Variants in PPARGC1B observed in about 807,000 individuals in gnomAD.
PPARGC1B encodes peroxisome proliferator-activated receptor gamma coactivator 1-beta.
In PPARGC1B, 34 loss-of-function variants were observed where a neutral mutation model predicts 101.6. The observed-to-expected ratio is 0.33, with a 90% CI of 0.25 to 0.45. The LOEUF is 0.45. Among genes scored for constraint, PPARGC1B ranks in the 20% least tolerant of loss-of-function variants. PPARGC1B has a pLI of 1.00. For missense variants in PPARGC1B, 1,234 were observed against 1,317.6 expected (o/e 0.94, Z 0.98); for synonymous variants, 548 against 539.3 (o/e 1.02, Z -0.22).
Position 149,820,613 on chromosome 5 carries a change from C to G in PPARGC1B, c.252+7C>G. The G allele has an allele frequency of 6.2e-7, 1 of 1,603,302 alleles. No individual in the cohort carries two copies. Among genetic ancestry groups the G allele is most frequent in the Middle Eastern group, 1.9e-4 (1 of 5,366 alleles). ...TGACTCCGAGCTCTTCCAGGTATGC[C>G]CTTTCCAGTCTCCCCTCCTCCCACC... On this transcript the variant is annotated splice_region_variant and intron_variant, in intron 2 of 11. Coordinates refer to ENST00000309241, the MANE Select transcript of PPARGC1B (RefSeq NM_133263.4).
chr5:149,767,245 C>G (rs1340546617), intron 1 of PPARGC1B, among the ~76,000 whole-genome samples: 1 of 152,194 alleles, frequency 6.6e-6, no homozygotes, highest in African/African-American at 2.4e-5. Context: ...GGTGTTCATG[C>G]AGGGAAGTCC....
intron 1 of PPARGC1B, among the ~76,000 whole-genome samples, chr5:149,751,641 G>T (rs1376718853): frequency 2.6e-5 from 4 of 151,926 alleles, no homozygotes; most frequent in Non-Finnish European, 5.9e-5. Flanking sequence ...GGGAGGTGGA[G>T]GTTGCAGTGA....
chr5:149,773,697 C>G (rs371757454), intron 1 of PPARGC1B, among the ~76,000 whole-genome samples: 1 of 152,124 alleles, frequency 6.6e-6, no homozygotes, highest in East Asian at 1.9e-4. Context: ...GCAGAGCGGC[C>G]GCGGGAGGGA....
chr5:149,826,216 T>C (rs1484018983), intron 2 of PPARGC1B, among the ~76,000 whole-genome samples: 3 of 152,154 alleles, frequency 2.0e-5, no homozygotes, highest in African/African-American at 7.2e-5. Context: ...CTGTGGTTAT[T>C]ATTGTCATGG....
intron 1 of PPARGC1B, among the ~76,000 whole-genome samples, chr5:149,801,602 A>C (rs752661547): frequency 2.0e-5 from 3 of 152,160 alleles, no homozygotes; most frequent in African/African-American, 4.8e-5. Context: ...AGGCCACAGA[A>C]AGAGTTTCAG....
chr5:149,836,785 A>T lies in PPARGC1B; in HGVS notation c.2330A>T (p.Glu777Val). 6.2e-7 allele frequency: 1 copy of T among 1,613,636 alleles called. No individual in the cohort carries two copies. The part of the protein sequence containing the change: ...HFGLLETALE[E>V]EDLASCKSPE... ...GGGCTGCTGGAGACCGCCCTGGAGG[A>T]GGAAGACCTGGCCTCCTGCAAGAGC... The change falls in exon 8 of 12, where the codon GAG becomes GTG. Residue 777 changes from glutamate to valine, a missense_variant. By Grantham distance (121) the Glu-to-Val change is moderately radical. Around this residue, in one of 3 missense-constraint regions of PPARGC1B, gnomAD observed 497 missense variants for 529.5 expected, o/e 0.94. Transcript: ENST00000309241.
At chr5:149,760,361 T>C (rs1278297568) in intron 1 of PPARGC1B, among the ~76,000 whole-genome samples, 2 of 152,194 alleles carry the variant, frequency 1.3e-5, no homozygotes, top group Admixed American at 6.5e-5. Context: ...ATGGTAGCTA[T>C]GGGAAGGGCT....
At chr5:149,782,347 C>A (rs778750133) in intron 1 of PPARGC1B, among the ~76,000 whole-genome samples, 9 of 152,168 alleles carry the variant, frequency 5.9e-5, no homozygotes, top group Non-Finnish European at 4.4e-5. Context: ...CTGCAACATA[C>A]ACATATACAA....
chr5:149,774,325 G>A (rs1291741242), intron 1 of PPARGC1B, among the ~76,000 whole-genome samples: 1 of 152,170 alleles, frequency 6.6e-6, no homozygotes, highest in African/African-American at 2.4e-5. Flanking sequence ...TGTGCACTGG[G>A]CTCCGGTTTC....
chr5:149,731,517 G>A (rs944182168), intron 1 of PPARGC1B, among the ~76,000 whole-genome samples: 6 of 152,180 alleles, frequency 3.9e-5, no homozygotes, highest in Admixed American at 3.9e-4. Context: ...GGGCGGCCGG[G>A]CGGAACCGGG....
At position 149,850,453 on chromosome 5, in the gene PPARGC1B, A is replaced by T. The variant is rs1367443950; in HGVS notation, c.*2895A>T. On this transcript the variant is annotated 3_prime_UTR_variant, in exon 12 of 12. Transcript: ENST00000309241. ...CTAGGGGACGCTGCCTGCCAAGGGC[A>T]TCGAGTAGTCTCTACTTGCTATCCC... 1 of 152,262 alleles carries T rather than the reference A, an allele frequency of 6.6e-6. No individual in the cohort carries two copies. The highest frequency in any genetic ancestry group is 2.4e-5 in the African/African-American group (1 of 41,468). 9.4% of individuals were successfully genotyped at this position (152,262 alleles called of 1,614,324 possible). A position where few individuals can be genotyped will look rare whatever the true frequency, so the allele number is the denominator to read the frequency against.
At chr5:149,766,485 T>C (rs1225407274) in intron 1 of PPARGC1B, among the ~76,000 whole-genome samples, 1 of 152,240 alleles carries the variant, frequency 6.6e-6, no homozygotes, top group African/African-American at 2.4e-5. Flanking sequence ...AAACTGAGGC[T>C]CAGAAGTAAC....
intron 1 of PPARGC1B, among the ~76,000 whole-genome samples, chr5:149,778,061 T>TCACACA (rs1491385104): frequency 2.1e-3 from 10 of 4,824 alleles, no homozygotes; most frequent in East Asian, 0.013. Context: ...TGTAGCAGCA[T>TCACACA]CTCACACACA....
intron 1 of PPARGC1B, chr5:149,818,740 T>A (rs1156976728): frequency 9.1e-6 from 4 of 440,902 alleles, no homozygotes; most frequent in Non-Finnish European, 1.4e-5. Context: ...GAAATACCAT[T>A]GTTTTATCAT....
Position 149,833,589 on chromosome 5 carries a change from C to G in PPARGC1B, c.1516C>G (p.Leu506Val). Residue 506 changes from leucine to valine, a missense_variant, in exon 5 of 12, where the codon CTG (leucine) becomes GTG (valine). Physicochemically the swap from Leu to Val is conservative, Grantham distance 32. Transcript: ENST00000309241. The surrounding 1 kb of genome is among the most constrained non-coding windows in gnomAD (Gnocchi z 4.1). ...GGTCCCCTCGGAGCCCCAAGGTGCT[C>G]TGCCCTCACTGTGCCTGGCTCCCAA... ...PLVPSEPQGA[L>V]PSLCLAPKAY... 1 of 1,604,120 alleles carries G rather than the reference C, an allele frequency of 6.2e-7. No individual in the cohort carries two copies.
At chr5:149,750,495 TAGGGGA>T in intron 1 of PPARGC1B, among the ~76,000 whole-genome samples, 1 of 144,350 alleles carries the variant, frequency 6.9e-6, no homozygotes, top group Non-Finnish European at 1.5e-5. Flanking sequence ...TATATGTTAA[TAGGGGA>T]AGGAAGGTGT....
chr5:149,826,536 G>A, intron 2 of PPARGC1B, 137 bp from the exon 3 acceptor site: 8 of 679,514 alleles, frequency 1.2e-5, no homozygotes, highest in Non-Finnish European at 2.1e-5. Context: ...GGTGGGCAGA[G>A]GGGAGGGTAT....
chr5:149,790,335 T>A (rs1756969640), intron 1 of PPARGC1B, among the ~76,000 whole-genome samples: 1 of 152,110 alleles, frequency 6.6e-6, no homozygotes, highest in Non-Finnish European at 1.5e-5. Context: ...CTCCTAGCTG[T>A]GTGGAAGCCT....
intron 3 of PPARGC1B, among the ~76,000 whole-genome samples, chr5:149,827,577 T>A (rs890162801): frequency 6.6e-5 from 10 of 152,228 alleles, no homozygotes; most frequent in South Asian, 4.1e-4. Flanking sequence ...CTTTGTGACA[T>A]GTAAATGGAC....
Sources: allele counts gnomAD v4.1 joint callset (sites outside exome capture counted in the v4.1 genomes callset), GRCh38; gene constraint gnomAD v4.1.1; regional missense constraint gnomAD v4.1.1; non-coding constraint Gnocchi (gnomAD v3.1); transcripts MANE v1.5; gene names NCBI Gene and HGNC (gene_info 2026-07-23, HGNC 2026-07-21).